The following NBEA variants were observed in gnomAD, a reference collection of about 807,000 sequenced individuals.
NBEA encodes neurobeachin, also known as lysosomal-trafficking regulator 2.
Under a neutral mutation model 343.4 loss-of-function variants are expected in NBEA, and 44 were observed. The observed-to-expected ratio is 0.13, with a 90% CI of 0.10 to 0.16. The LOEUF (loss-of-function observed/expected upper bound fraction) is 0.16. Ranked by LOEUF, NBEA falls within the 10% of genes least tolerant of loss-of-function variation. The pLI is 1.00. For missense variants in NBEA, 2,555 were observed against 3,631.3 expected (o/e 0.70, Z 7.62); for synonymous variants, 1,175 against 1,238.7 (o/e 0.95, Z 1.08).
intron 34 of NBEA, among the ~76,000 whole-genome samples, chr13:35,289,995 A>G (rs1162063028): frequency 6.6e-6 from 1 of 151,832 alleles, no homozygotes; most frequent in Non-Finnish European, 1.5e-5. Context: ...TCTTTGCTCC[A>G]AGGAAACAAC....
intron 33 of NBEA, among the ~76,000 whole-genome samples, chr13:35,212,532 T>C (rs1000413605): frequency 2.0e-5 from 3 of 152,180 alleles, no homozygotes; most frequent in Admixed American, 6.5e-5. Flanking sequence ...TTAATATGCA[T>C]ATTTGTTAGA....
At chr13:35,120,489 A>G (rs1259423830) in intron 16 of NBEA, among the ~76,000 whole-genome samples, 1 of 152,212 alleles carries the variant, frequency 6.6e-6, no homozygotes, top group Non-Finnish European at 1.5e-5. Context: ...GAAAATATTG[A>G]AAGTGGCTAA....
chr13:35,306,483 TTTTTTAA>T (rs2036899467), intron 35 of NBEA, among the ~76,000 whole-genome samples: 1 of 152,114 alleles, frequency 6.6e-6, no homozygotes, highest in Non-Finnish European at 1.5e-5. Context: ...TTTTCAACTC[TTTTTTAA>T]TGTATACAAT....
intron 48 of NBEA, among the ~76,000 whole-genome samples, chr13:35,610,837 A>G (rs1361291508): frequency 1.3e-5 from 2 of 152,144 alleles, no homozygotes; most frequent in Admixed American, 1.3e-4. Flanking sequence ...GAGCACTCAA[A>G]AATCAATAAA....
intron 34 of NBEA, among the ~76,000 whole-genome samples, chr13:35,271,993 GAAATACAGAGA>G (rs1358323649): frequency 3.3e-5 from 5 of 152,034 alleles, no homozygotes; most frequent in Non-Finnish European, 5.9e-5. Context: ...TCAAATTCAG[GAAATACAGAGA>G]ACACCACAAA....
chr13:35,487,546 A>C (rs1331839916), intron 41 of NBEA, among the ~76,000 whole-genome samples: 1 of 151,928 alleles, frequency 6.6e-6, no homozygotes, highest in Non-Finnish European at 1.5e-5. Context: ...ATTACCAGCC[A>C]TGGTAACAAC....
chr13:35,605,728 A>C (rs1220771306), intron 47 of NBEA, among the ~76,000 whole-genome samples: 1 of 152,206 alleles, frequency 6.6e-6, no homozygotes, highest in Non-Finnish European at 1.5e-5. Flanking sequence ...TACATCACAC[A>C]CAAGTTCTCC....
In NBEA at chr13:35,062,298, T is replaced by C. The variant is rs2063495280; in HGVS notation, c.1239+3435T>C. ...TGATAGAGAAGTAAATGAACTTGAA[T>C]ATAGATTGATAGAAACTTTGAAGAG... On this transcript the variant is annotated intron_variant, in intron 8 of 58. Transcript: ENST00000379939. Among the ~76,000 whole-genome samples, 6 of 151,716 alleles carry C rather than the reference T, an allele frequency of 4.0e-5. No individual in the cohort carries two copies. The South Asian group carries it at 1.2e-3, about 31-fold the overall frequency.
intron 1 of NBEA, among the ~76,000 whole-genome samples, chr13:34,963,481 CA>C (rs1358071482): frequency 6.6e-6 from 1 of 151,998 alleles, no homozygotes; most frequent in Non-Finnish European, 1.5e-5. Flanking sequence ...TTGAAGTCCT[CA>C]CCTTTAGCAT....
intron 48 of NBEA, among the ~76,000 whole-genome samples, chr13:35,624,989 T>C (rs989709522): frequency 1.4e-4 from 21 of 152,070 alleles, no homozygotes; most frequent in African/African-American, 4.8e-4. Flanking sequence ...AATTTTTGTT[T>C]AATAGATGGT....
intron 1 of NBEA, among the ~76,000 whole-genome samples, chr13:34,999,016 A>C (rs1393818201): frequency 1.3e-5 from 2 of 152,140 alleles, no homozygotes; most frequent in African/African-American, 4.8e-5. Context: ...AAATCTTCAC[A>C]ATTTATGTTC....
At chr13:35,478,780 A>G (rs1244107308) in intron 41 of NBEA, among the ~76,000 whole-genome samples, 5 of 152,192 alleles carry the variant, frequency 3.3e-5, no homozygotes, top group Non-Finnish European at 7.3e-5. Context: ...CAGGCCAGAG[A>G]TGCTTGCCCC....
intron 49 of NBEA, among the ~76,000 whole-genome samples, chr13:35,632,110 G>A (rs1237429030): frequency 6.6e-6 from 1 of 151,988 alleles, no homozygotes; most frequent in East Asian, 1.9e-4. Flanking sequence ...TCATAGATGA[G>A]CTGTACTATT....
chr13:35,595,790 C>T (rs557093257), intron 47 of NBEA, among the ~76,000 whole-genome samples: 1 of 152,158 alleles, frequency 6.6e-6, no homozygotes, highest in East Asian at 1.9e-4. Context: ...TACCTCCTTC[C>T]CCGTGCCCCC....
chr13:35,645,463 A>G (rs1003148603), intron 49 of NBEA, among the ~76,000 whole-genome samples: 1 of 152,184 alleles, frequency 6.6e-6, no homozygotes, highest in Admixed American at 6.5e-5. Context: ...CACACAAGAA[A>G]GGTATATTGT....
chr13:35,492,204 A>ATTGTTAT (rs2076526842), intron 41 of NBEA, among the ~76,000 whole-genome samples: 1 of 151,972 alleles, frequency 6.6e-6, no homozygotes, highest in Non-Finnish European at 1.5e-5. Flanking sequence ...GGAAAGGGTC[A>ATTGTTAT]GAAGGGAATG....
At position 35,566,293 on chromosome 13, in the gene NBEA, A is replaced by G. The variant is rs538735893; in HGVS notation, c.6923-612A>G. On this transcript the variant is annotated intron_variant, in intron 44 of 58. Coordinates refer to ENST00000379939, the MANE Select transcript of NBEA (RefSeq NM_001385012.1). ...GGAGAATCGCTTGAACCCGGGAGGC[A>G]GAGGTTGCGGTGAGCCAAGATCGCG... Among the ~76,000 whole-genome samples, 301 of 152,256 alleles carry G rather than the reference A, an allele frequency of 2.0e-3. 1 individual carries two copies. Among genetic ancestry groups the G allele is most frequent in the African/African-American group, 6.1e-3 (255 of 41,568 alleles).
intron 57 of NBEA, 113 bp from the exon 58 acceptor site, chr13:35,668,255 G>A: frequency 1.0e-6 from 1 of 994,862 alleles, no homozygotes; most frequent in South Asian, 1.6e-5. Context: ...GAACTGTACT[G>A]AGTACTTTTC....
intron 1 of NBEA, among the ~76,000 whole-genome samples, chr13:35,000,966 G>T (rs562525549): frequency 0.022 from 3,245 of 150,644 alleles, 47 homozygotes; most frequent in Middle Eastern, 0.062. Context: ...GTTTTTTTTT[G>T]TTGTTGTTGT....
Sources: gnomAD v4.1 joint callset for allele counts (sites outside exome capture counted in the v4.1 genomes callset) on GRCh38, gnomAD v4.1.1 for gene constraint, MANE v1.5 for transcripts, NCBI Gene and HGNC (gene_info 2026-07-23, HGNC 2026-07-21) for gene names.